Variants in HK1 observed in about 807,000 individuals in gnomAD.
The protein encoded by HK1 is hexokinase-1.
HK1 carries 28 observed loss-of-function variants against 91.6 expected under a neutral mutation model. The ratio of observed to expected loss-of-function variants is 0.31; its 90% CI spans 0.23 to 0.42. The LOEUF (loss-of-function observed/expected upper bound fraction) is 0.42. Among genes scored for constraint, HK1 ranks in the 10% least tolerant of loss-of-function variants. The probability of loss-of-function intolerance (pLI) is 1.00; values close to 1 mark genes in which losing one functional copy is unlikely to be tolerated. For missense variants in HK1, 770 were observed against 1,219.8 expected, an observed-to-expected ratio of 0.63 and a Z score of 5.49; for synonymous variants, 430 against 468.1, an observed-to-expected ratio of 0.92 and a Z score of 1.05.
Position 69,401,500 on chromosome 10 carries a change from G to A in HK1, c.*365G>A. ...CTGACAGGCCTTCTGGGCCTCCAAA[G>A]CCCATCCTTGGGGTTCCCCCTCCCT... On this transcript the variant is annotated 3_prime_UTR_variant, in exon 18 of 18. Coordinates refer to ENST00000359426, the MANE Select transcript of HK1 (RefSeq NM_000188.3). 2.7e-6 allele frequency: 1 copy of A among 366,678 alleles called. No homozygotes were observed. Among genetic ancestry groups the A allele is most frequent in the Non-Finnish European group, 5.3e-6 (1 of 190,436 alleles). 22.7% of individuals were successfully genotyped at this position (366,678 alleles called of 1,614,324 possible). A position where few individuals can be genotyped will look rare whatever the true frequency, so the allele number is the denominator to read the frequency against.
chr10:69,312,639 A>C (rs1846430429), upstream of HK1, among the ~76,000 whole-genome samples: 1 of 152,108 alleles, frequency 6.6e-6, no homozygotes, highest in Admixed American at 6.6e-5. Flanking sequence ...GGATCAGAGA[A>C]TTGAGATTAA....
chr10:69,397,443 T>TA (rs201460119), intron 16 of HK1, among the ~76,000 whole-genome samples: 29 of 145,584 alleles, frequency 2.0e-4, no homozygotes, highest in South Asian at 4.4e-4. Context: ...TGTCTGTAAG[T>TA]AAAAAAAAAA....
At chr10:69,285,767 A>G (rs1845001360) in intron 2 of HK1, among the ~76,000 whole-genome samples, 1 of 152,070 alleles carries the variant, frequency 6.6e-6, no homozygotes, top group African/African-American at 2.4e-5. Context: ...CTAGCTATAA[A>G]CCAGCTTGCA....
intron 16 of HK1, among the ~76,000 whole-genome samples, chr10:69,397,349 G>A (rs897211004): frequency 3.9e-5 from 6 of 152,106 alleles, no homozygotes. Flanking sequence ...ATCCTAATGG[G>A]TATGAAGTGG....
chr10:69,396,412 A>G (rs917637248), intron 16 of HK1, among the ~76,000 whole-genome samples: 1 of 152,156 alleles, frequency 6.6e-6, no homozygotes, highest in African/African-American at 2.4e-5. Flanking sequence ...ACATTCACAT[A>G]GTCGCACAGC....
At chr10:69,344,088 C>A (rs1848430256) in intron 2 of HK1, 99 bp downstream of exon 2, 2 of 1,238,412 alleles carry the variant, frequency 1.6e-6, no homozygotes, top group African/African-American at 1.5e-5. Flanking sequence ...TTCATTCATT[C>A]ACCATTCCAT....
chr10:69,362,689 C>T (rs1300284328), intron 3 of HK1, among the ~76,000 whole-genome samples: 1 of 152,120 alleles, frequency 6.6e-6, no homozygotes, highest in Non-Finnish European at 1.5e-5. Flanking sequence ...TTGAGTTCTG[C>T]CCCTTCCTGA....
chr10:69,331,429 G>A (rs534473856), intron 1 of HK1, among the ~76,000 whole-genome samples: 12 of 152,400 alleles, frequency 7.9e-5, no homozygotes, highest in African/African-American at 2.9e-4. Context: ...TGCTGGGGCT[G>A]TGTGTCCAGA....
At chr10:69,286,761 T>G (rs1845051403) in intron 2 of HK1, among the ~76,000 whole-genome samples, 1 of 152,102 alleles carries the variant, frequency 6.6e-6, no homozygotes, top group Non-Finnish European at 1.5e-5. Flanking sequence ...TTGGTCAGGC[T>G]GGTCTCGAAC....
chr10:69,307,780 C>A (rs1436674572), intron 5 of HK1, among the ~76,000 whole-genome samples: 1 of 152,100 alleles, frequency 6.6e-6, no homozygotes, highest in South Asian at 2.1e-4. Context: ...TAATATAAAG[C>A]CAAATGTATT....
chr10:69,398,855 G>T (rs766983713), intron 17 of HK1, 27 bp downstream of exon 17: 1 of 1,542,718 alleles, frequency 6.5e-7, no homozygotes, highest in Non-Finnish European at 9.0e-7. Context: ...GTTGGGATGC[G>T]CAGAGCTTGC....
intron 2 of HK1, among the ~76,000 whole-genome samples, chr10:69,283,324 C>T (rs1347844840): frequency 6.8e-6 from 1 of 147,944 alleles, no homozygotes. Context: ...CGTGGTGGTG[C>T]ATGCCTGTGG....
chr10:69,314,594 C>T (rs1197251909), upstream of HK1, among the ~76,000 whole-genome samples: 3 of 152,112 alleles, frequency 2.0e-5, no homozygotes, highest in Non-Finnish European at 4.4e-5. Context: ...CAATGGCTCA[C>T]GTCTATAATC....
chr10:69,292,590 T>C (rs1290202651), intron 3 of HK1, among the ~76,000 whole-genome samples: 1 of 152,108 alleles, frequency 6.6e-6, no homozygotes, highest in Non-Finnish European at 1.5e-5. Context: ...TCTCACCCAC[T>C]AATAGTGGGG....
At chr10:69,332,393 T>TTTCTTTCTTTCCTTTCTTTCTTTC in intron 1 of HK1, among the ~76,000 whole-genome samples, 1 of 126,556 alleles carries the variant, frequency 7.9e-6, no homozygotes, top group South Asian at 2.8e-4. Context: ...TTTTTTCTTT[T>TTTCTTTCTTTCCTTTCTTTCTTTC]TTTGAGACAG....
At chr10:69,372,063 C>T (rs1850034467) in intron 7 of HK1, among the ~76,000 whole-genome samples, 1 of 152,204 alleles carries the variant, frequency 6.6e-6, no homozygotes, top group Non-Finnish European at 1.5e-5. Context: ...TGGCACAAGT[C>T]ATGTCTTACA....
At chr10:69,332,896 C>T (rs1279273137) in intron 1 of HK1, among the ~76,000 whole-genome samples, 1 of 152,126 alleles carries the variant, frequency 6.6e-6, no homozygotes, top group Non-Finnish European at 1.5e-5. Context: ...AGGCAGACAA[C>T]AGAGCCCTGA....
At chr10:69,356,712 G>A (rs1849150185) in intron 2 of HK1, among the ~76,000 whole-genome samples, 1 of 151,734 alleles carries the variant, frequency 6.6e-6, no homozygotes, top group South Asian at 2.1e-4. Flanking sequence ...GTGAAACCCC[G>A]TCTCTACTAA....
upstream of HK1, chr10:69,318,245 T>G: frequency 1.0e-6 from 1 of 984,662 alleles, no homozygotes; most frequent in South Asian, 4.7e-5. Flanking sequence ...GGTAGGCCGG[T>G]GCGTTCGGCC....
Sources: gnomAD v4.1 joint callset for allele counts (sites outside exome capture counted in the v4.1 genomes callset) on GRCh38, gnomAD v4.1.1 for gene constraint, MANE v1.5 for transcripts, NCBI Gene and HGNC (gene_info 2026-07-23, HGNC 2026-07-21) for gene names.